The following AIRIM variants were observed in gnomAD, a reference collection of about 807,000 sequenced individuals.
AIRIM encodes the protein AFG2-interacting ribosome maturation factor.
the AIRIM span, chr1:37,683,158 T>C: frequency 6.2e-7 from 1 of 1,612,060 alleles, no homozygotes; most frequent in Non-Finnish European, 8.5e-7. Context: ...TTCAATAGGA[T>C]ATCTGAAATA....
At chr1:37,686,428 G>A in the AIRIM span, 2 of 1,613,900 alleles carry the variant, frequency 1.2e-6, no homozygotes, top group Non-Finnish European at 1.7e-6. Flanking sequence ...TGCTGACCAT[G>A]TCTCGCACCT....
the AIRIM span, chr1:37,681,890 C>A: frequency 6.6e-6 from 1 of 152,008 alleles, no homozygotes; most frequent in Admixed American, 6.6e-5. Context: ...AAAAGACAAC[C>A]TAACAGTATG....
At chr1:37,690,501 C>T in the AIRIM span, 1 of 1,203,196 alleles carries the variant, frequency 8.3e-7, no homozygotes, top group Non-Finnish European at 1.1e-6. Context: ...CCAGGGACTG[C>T]ACCACGCGCC....
chr1:37,689,690 C>G, the AIRIM span: 1 of 1,614,056 alleles, frequency 6.2e-7, no homozygotes, highest in Non-Finnish European at 8.5e-7. Flanking sequence ...TGGGAAGGCC[C>G]GAAGCGCCGG....
chr1:37,681,651 A>T, the AIRIM span: 2 of 152,370 alleles, frequency 1.3e-5, no homozygotes, highest in Non-Finnish European at 2.9e-5. Context: ...TATTAATAAT[A>T]GTTATCTGGT....
the AIRIM span, among the ~76,000 whole-genome samples, chr1:37,687,461 T>TAA: frequency 0.25 from 36,598 of 146,582 alleles, 4,690 homozygotes; most frequent in Middle Eastern, 0.29. Context: ...TTAAAACATT[T>TAA]AAAAAAAAAA....
At chr1:37,681,808 A>G in the AIRIM span, 1 of 152,354 alleles carries the variant, frequency 6.6e-6, no homozygotes, top group Admixed American at 6.5e-5. Context: ...TACATTCACA[A>G]AAAGAATATA....
chr1:37,687,110 GTA>G, the AIRIM span, among the ~76,000 whole-genome samples: 300 of 139,716 alleles, frequency 2.1e-3, no homozygotes, highest in African/African-American at 7.4e-3. Flanking sequence ...GTGTGTGTGT[GTA>G]TAGTTTTTGT....
At chr1:37,687,620 G>A in the AIRIM span, among the ~76,000 whole-genome samples, 1 of 152,042 alleles carries the variant, frequency 6.6e-6, no homozygotes, top group African/African-American at 2.4e-5. Flanking sequence ...ATGGTGGCAT[G>A]CTCTTGGAAT....
At chr1:37,687,038 A>T in the AIRIM span, among the ~76,000 whole-genome samples, 1 of 151,558 alleles carries the variant, frequency 6.6e-6, no homozygotes, top group Non-Finnish European at 1.5e-5. Context: ...CCTGGGTGAC[A>T]GAGCGAGACT....
chr1:37,684,637 A>AT, the AIRIM span, among the ~76,000 whole-genome samples: 1 of 152,164 alleles, frequency 6.6e-6, no homozygotes, highest in Non-Finnish European at 1.5e-5. Context: ...AAATAAATAA[A>AT]AGAGAAAACA....
chr1:37,686,456 C>T, the AIRIM span: 1 of 1,611,104 alleles, frequency 6.2e-7, no homozygotes, highest in Non-Finnish European at 8.5e-7. Flanking sequence ...GATGGCTCTG[C>T]AAGAAAGAGT....
the AIRIM span, chr1:37,689,963 G>T: frequency 6.8e-7 from 1 of 1,466,274 alleles, no homozygotes; most frequent in South Asian, 1.4e-5. Context: ...GAGGGTGGGC[G>T]TCATCTCTGT....
the AIRIM span, chr1:37,690,281 G>A: frequency 1.1e-5 from 14 of 1,292,180 alleles, no homozygotes; most frequent in Middle Eastern, 2.1e-4. Context: ...CACCGCGCCC[G>A]GCCTGCCTCA....
At chr1:37,688,224 CTTTT>C in the AIRIM span, among the ~76,000 whole-genome samples, 3 of 151,702 alleles carry the variant, frequency 2.0e-5, no homozygotes, top group Non-Finnish European at 2.9e-5. Flanking sequence ...AGCCAGTTAA[CTTTT>C]TTTATTTTTA....
the AIRIM span, among the ~76,000 whole-genome samples, chr1:37,689,015 CA>C: frequency 6.8e-6 from 1 of 147,564 alleles, no homozygotes; most frequent in South Asian, 2.2e-4. Flanking sequence ...GGTCTGACAA[CA>C]AGCATATCAG....
the AIRIM span, chr1:37,689,661 T>A: frequency 6.2e-7 from 1 of 1,613,824 alleles, no homozygotes; most frequent in Non-Finnish European, 8.5e-7. Flanking sequence ...TGCTTACGCC[T>A]CAGCCGCTCT....
chr1:37,687,059 AGTGTGTGTGTGT>A, the AIRIM span, among the ~76,000 whole-genome samples: 1,762 of 141,370 alleles, frequency 0.012, 34 homozygotes, highest in East Asian at 0.062. Context: ...CCGTCTCAAA[AGTGTGTGTGTGT>A]GTGTGTGTGT....
chr1:37,690,337 G>A, the AIRIM span: 3 of 1,290,202 alleles, frequency 2.3e-6, no homozygotes, highest in Non-Finnish European at 3.0e-6. Flanking sequence ...GGGTAACCTG[G>A]ATAGGGCAGT....
Sources: allele counts gnomAD v4.1 joint callset (sites outside exome capture counted in the v4.1 genomes callset), GRCh38; gene constraint gnomAD v4.1.1; transcripts MANE v1.5; gene names NCBI Gene and HGNC (gene_info 2026-07-23, HGNC 2026-07-21).